Variants in MRPL13 observed in about 807,000 individuals in gnomAD.
MRPL13 encodes the protein mitochondrial ribosomal protein L13.
Under a neutral mutation model 29.0 loss-of-function variants are expected in MRPL13, and 33 were observed. The observed-to-expected ratio is 1.14, with a 90% CI of 0.86 to 1.52. MRPL13 has a LOEUF of 1.52. Among genes scored for constraint, MRPL13 ranks in the 40% most tolerant of loss-of-function variants. The pLI is 0.00. For synonymous variants in MRPL13, 77 were observed against 68.4 expected, an observed-to-expected ratio of 1.13 and a Z score of -0.62; for missense variants, 227 against 216.7, an observed-to-expected ratio of 1.05 and a Z score of -0.30.
rs1371633835 is a variant in MRPL13 at position 120,430,327 on chromosome 8, A to C, written c.245+1703T>G. ...TGGAATCCATAGATATGGAGGGCTG[A>C]CTGTATATTAAAATGGTAAGTCATG... On this transcript the variant is annotated intron_variant, in intron 3 of 6. Transcript: ENST00000306185. Among the ~76,000 whole-genome samples the C allele has an allele frequency of 2.6e-5, 4 of 152,158 alleles. 1 individual carries two copies. The highest frequency in any genetic ancestry group is 2.6e-4 in the Admixed American group (4 of 15,264).
intron 6 of MRPL13, among the ~76,000 whole-genome samples, chr8:120,401,986 A>G (rs1812602837): frequency 2.0e-5 from 3 of 152,214 alleles, no homozygotes; most frequent in Admixed American, 2.0e-4. Context: ...ACCACTGCTC[A>G]AGGAAATCAG....
chr8:120,404,144 C>T (rs538773576), intron 6 of MRPL13, among the ~76,000 whole-genome samples: 1 of 152,252 alleles, frequency 6.6e-6, no homozygotes, highest in African/African-American at 2.4e-5. Context: ...GACACCAGTA[C>T]ATTTTAAGAA....
intron 1 of MRPL13, among the ~76,000 whole-genome samples, chr8:120,444,323 G>A (rs1014542189): frequency 1.3e-5 from 2 of 152,156 alleles, no homozygotes; most frequent in East Asian, 1.9e-4. Flanking sequence ...ATCTTAGACC[G>A]ATATAACCCA....
At chr8:120,427,909 G>T (rs1243333168) in intron 3 of MRPL13, among the ~76,000 whole-genome samples, 4 of 151,892 alleles carry the variant, frequency 2.6e-5, no homozygotes, top group African/African-American at 9.7e-5. Flanking sequence ...TGGCCATACT[G>T]CCCAAAGCAA....
chr8:120,413,117 G>A (rs1470181043), intron 6 of MRPL13, among the ~76,000 whole-genome samples: 1 of 151,946 alleles, frequency 6.6e-6, no homozygotes, highest in East Asian at 1.9e-4. Context: ...TAAATGCTGT[G>A]AAAAAAATGA....
At chr8:120,438,229 T>C (rs1486350773) in intron 2 of MRPL13, among the ~76,000 whole-genome samples, 1 of 152,088 alleles carries the variant, frequency 6.6e-6, no homozygotes, top group Non-Finnish European at 1.5e-5. Flanking sequence ...CTGGGTATGA[T>C]GGTACACGCC....
intron 6 of MRPL13, among the ~76,000 whole-genome samples, chr8:120,412,794 A>AG (rs1812754523): frequency 6.6e-6 from 1 of 152,250 alleles, no homozygotes; most frequent in African/African-American, 2.4e-5. Context: ...CAATGCAAGA[A>AG]GGGGCATTCC....
At chr8:120,408,698 T>C (rs1563771689) in intron 6 of MRPL13, among the ~76,000 whole-genome samples, 1 of 152,196 alleles carries the variant, frequency 6.6e-6, no homozygotes, top group East Asian at 1.9e-4. Flanking sequence ...TTAGAAAAGG[T>C]AAAAATCCTT....
intron 6 of MRPL13, among the ~76,000 whole-genome samples, chr8:120,403,833 C>T (rs1301935642): frequency 1.3e-5 from 2 of 152,072 alleles, no homozygotes; most frequent in African/African-American, 4.8e-5. Context: ...GACTGACAGT[C>T]TACCAGCTGA....
At chr8:120,409,548 C>G (rs374300014) in intron 6 of MRPL13, among the ~76,000 whole-genome samples, 1 of 152,030 alleles carries the variant, frequency 6.6e-6, no homozygotes, top group East Asian at 1.9e-4. Flanking sequence ...AAAGATAGTG[C>G]TATTTTTTTC....
At position 120,444,828 on chromosome 8, in the gene MRPL13, C is replaced by T. The variant is rs774732620; in HGVS notation, c.27+240G>A. 39 of 455,640 alleles carry T rather than the reference C, an allele frequency of 8.6e-5. 1 individual carries two copies. Among genetic ancestry groups the T allele is most frequent in the Non-Finnish European group, 1.4e-4 (34 of 244,464 alleles). 28.2% of individuals were successfully genotyped at this position (455,640 alleles called of 1,614,324 possible). On this transcript the variant is annotated intron_variant, in intron 1 of 6. Coordinates refer to ENST00000306185, the MANE Select transcript of MRPL13 (RefSeq NM_014078.6). ...TCTCCGATCTGCTCTAATCCTCTTC[C>T]CCCCGCCCCCCCAAGAAAGACATGA...
intron 3 of MRPL13, 123 bp downstream of exon 3, chr8:120,431,907 G>T: frequency 1.6e-6 from 1 of 630,322 alleles, no homozygotes; most frequent in Non-Finnish European, 2.5e-6. Context: ...TACATGGCAT[G>T]AGTAAAATTA....
chr8:120,434,382 A>G (rs1381376971), intron 2 of MRPL13, among the ~76,000 whole-genome samples: 1 of 152,058 alleles, frequency 6.6e-6, no homozygotes, highest in African/African-American at 2.4e-5. Context: ...AAGCTAACGT[A>G]CTCCCTCTGC....
chr8:120,402,651 AT>A (rs1212211259), intron 6 of MRPL13, among the ~76,000 whole-genome samples: 1 of 152,218 alleles, frequency 6.6e-6, no homozygotes, highest in Non-Finnish European at 1.5e-5. Context: ...GACAAATGGG[AT>A]CTAATTAAAC....
At chr8:120,401,622 T>TG (rs745842832) in intron 6 of MRPL13, among the ~76,000 whole-genome samples, 12 of 152,134 alleles carry the variant, frequency 7.9e-5, no homozygotes, top group African/African-American at 2.4e-4. Context: ...TCACCACCCC[T>TG]GTTCAACACA....
At chr8:120,429,933 G>A (rs1028778656) in intron 3 of MRPL13, among the ~76,000 whole-genome samples, 4 of 152,064 alleles carry the variant, frequency 2.6e-5, no homozygotes, top group Admixed American at 6.6e-5. Flanking sequence ...CAAGAAAAAC[G>A]TCTGTACATG....
At chr8:120,421,355 T>A (rs1812872535) in intron 4 of MRPL13, among the ~76,000 whole-genome samples, 1 of 151,888 alleles carries the variant, frequency 6.6e-6, no homozygotes, top group African/African-American at 2.4e-5. Context: ...TTATGAAAAA[T>A]TTTAAATATT....
chr8:120,443,119 T>C (rs752607347), intron 2 of MRPL13, 66 bp downstream of exon 2: 4 of 1,350,076 alleles, frequency 3.0e-6, no homozygotes, highest in Non-Finnish European at 3.9e-6. Context: ...CCTGTTAAAC[T>C]TCATCAAGAT....
At chr8:120,440,533 A>G (rs1813106002) in intron 2 of MRPL13, among the ~76,000 whole-genome samples, 1 of 149,994 alleles carries the variant, frequency 6.7e-6, no homozygotes, top group African/African-American at 2.5e-5. Context: ...TGAACCCAGG[A>G]GGCGGAGGTT....
Sources: allele counts gnomAD v4.1 joint callset (sites outside exome capture counted in the v4.1 genomes callset), GRCh38; gene constraint gnomAD v4.1.1; transcripts MANE v1.5; gene names NCBI Gene and HGNC (gene_info 2026-07-23, HGNC 2026-07-21).